The following KIAA1549L variants were observed in gnomAD, a reference collection of about 807,000 sequenced individuals.
KIAA1549L encodes the protein KIAA1549 like.
A neutral mutation model predicts 160.7 loss-of-function variants in KIAA1549L; 88 were observed. That is an observed-to-expected ratio of 0.55 (90% CI 0.46 to 0.65). The LOEUF is 0.65. Ranked by LOEUF, KIAA1549L falls within the 30% of genes least tolerant of loss-of-function variation. The pLI is 0.00. For missense variants in KIAA1549L, 2,258 were observed against 2,437.5 expected, an observed-to-expected ratio of 0.93 and a Z score of 1.55; for synonymous variants, 950 against 976.7, an observed-to-expected ratio of 0.97 and a Z score of 0.51.
rs1257073036 is a variant in KIAA1549L, at chr11:33,474,184, A to G, written c.239-67618A>G. ...TGCCATGACCAAAACACCTCCCACC[A>G]GGCCCCACCTCCAACATCGAAAATT... On this transcript the variant is annotated intron_variant, in intron 1 of 20. Transcript: ENST00000658780. Among the ~76,000 whole-genome samples the G allele has an allele frequency of 4.6e-5, 7 of 152,316 alleles. No individual in the cohort carries two copies. The East Asian group carries it at 7.7e-4, about 17-fold the overall frequency.
rs889094393 is a variant in KIAA1549L, at chr11:33,668,441, T to C, written c.*287T>C. ...GGGCATGTGCCCTATGGAAGCTTAG[T>C]CACAAGAGGCACTAGCTAATCTACA... On this transcript the variant is annotated 3_prime_UTR_variant, in exon 21 of 21. Transcript: ENST00000658780. 2 of 463,322 alleles carry C rather than the reference T, an allele frequency of 4.3e-6. No individual in the cohort carries two copies. The highest frequency in any genetic ancestry group is 7.8e-6 in the Non-Finnish European group (2 of 256,536). The allele number at this position is 463,322 out of a possible 1,614,324, so 28.7% of individuals were successfully genotyped here.
chr11:33,643,319 T>C (rs922264480), intron 16 of KIAA1549L, among the ~76,000 whole-genome samples: 11 of 152,082 alleles, frequency 7.2e-5, no homozygotes, highest in Non-Finnish European at 1.2e-4. Flanking sequence ...CCAACCTTAC[T>C]CGGAGAACTC....
intron 14 of KIAA1549L, 89 bp downstream of exon 14, chr11:33,606,911 A>G: frequency 3.5e-6 from 4 of 1,148,602 alleles, no homozygotes. Context: ...TACTGGGTGC[A>G]GATTGCACCT....
chr11:33,522,135 T>C (rs990149909), intron 1 of KIAA1549L, among the ~76,000 whole-genome samples: 10 of 152,212 alleles, frequency 6.6e-5, no homozygotes, highest in African/African-American at 2.2e-4. Flanking sequence ...ATAAACATAT[T>C]GTTATCTTTT....
chr11:33,528,597 T>A (rs1853667393), intron 1 of KIAA1549L, among the ~76,000 whole-genome samples: 1 of 151,820 alleles, frequency 6.6e-6, no homozygotes, highest in Non-Finnish European at 1.5e-5. Flanking sequence ...AACCAATGAG[T>A]GGATAAAGAA....
intron 1 of KIAA1549L, among the ~76,000 whole-genome samples, chr11:33,513,531 C>T (rs1853272990): frequency 6.6e-6 from 1 of 152,194 alleles, no homozygotes; most frequent in Admixed American, 6.5e-5. Context: ...CTTCTCTCCC[C>T]TCCTTTTATT....
At chr11:33,415,453 G>T (rs946706484) in intron 1 of KIAA1549L, among the ~76,000 whole-genome samples, 1 of 152,168 alleles carries the variant, frequency 6.6e-6, no homozygotes, top group African/African-American at 2.4e-5. Flanking sequence ...TGGGGATCCT[G>T]CCTCTACTTG....
chr11:33,546,255 A>G (rs1446460747), intron 3 of KIAA1549L, among the ~76,000 whole-genome samples: 2 of 152,246 alleles, frequency 1.3e-5, no homozygotes, highest in Non-Finnish European at 2.9e-5. Context: ...ATGGGAAATT[A>G]TGAAATTAGG....
At chr11:33,505,831 T>C in intron 1 of KIAA1549L, among the ~76,000 whole-genome samples, 1 of 152,240 alleles carries the variant, frequency 6.6e-6, no homozygotes, top group Non-Finnish European at 1.5e-5. Context: ...ATTCCAGGAC[T>C]TCAAAATATT....
At chr11:33,531,422 C>T (rs1465820008) in intron 1 of KIAA1549L, among the ~76,000 whole-genome samples, 2 of 151,864 alleles carry the variant, frequency 1.3e-5, no homozygotes, top group South Asian at 2.1e-4. Flanking sequence ...TTGCAGGAGC[C>T]GAGATTGCGC....
intron 9 of KIAA1549L, among the ~76,000 whole-genome samples, chr11:33,571,267 G>A (rs1418691483): frequency 2.0e-5 from 3 of 152,322 alleles, no homozygotes; most frequent in East Asian, 3.9e-4. Context: ...TGGTGACAGA[G>A]CGAGACTCTG....
chr11:33,592,362 G>A (rs1262128569), intron 12 of KIAA1549L, among the ~76,000 whole-genome samples: 1 of 152,088 alleles, frequency 6.6e-6, no homozygotes, highest in African/African-American at 2.4e-5. Context: ...GATGGGAGAG[G>A]TTAGTTTAGA....
In KIAA1549L at chr11:33,551,118, G is replaced by A. The variant is rs772869562; in HGVS notation, c.3580G>A (p.Val1194Met). Residue 1194 changes from valine (V) to methionine (M), a missense_variant, in exon 5 of 21, where the codon GTG becomes ATG. Coordinates refer to ENST00000658780, the MANE Select transcript of KIAA1549L (RefSeq NM_012194.3). Reference protein sequence around the residue: ...TKGKLVYLPAVVIEMLGVYGV... With the variant: ...TKGKLVYLPAMVIEMLGVYGV... Reference sequence around the variant, plus strand: ...AGGGAAGTTGGTGTATTTGCCTGCTGTGGTGATCGAAATGCTGGGTGTGTA... The same window carrying A: ...AGGGAAGTTGGTGTATTTGCCTGCTATGGTGATCGAAATGCTGGGTGTGTA... 9.3e-6 allele frequency: 15 copies of A among 1,613,870 alleles called. No homozygotes were observed. Among genetic ancestry groups the A allele is most frequent in the Middle Eastern group, 1.6e-4 (1 of 6,084 alleles).
In KIAA1549L at chr11:33,614,114, T is replaced by TGCCAGG. The variant is rs1168292933; in HGVS notation, c.5279+4149_5279+4150insCCAGGG. 5.3e-5 allele frequency among the ~76,000 whole-genome samples: 8 copies of TGCCAGG among 152,280 alleles called. No homozygotes were observed. The East Asian group carries it at 1.2e-3, about 22-fold the overall frequency. On this transcript the variant is annotated intron_variant, in intron 15 of 20. Transcript: ENST00000658780. ...TCAGTTTGTAACAGATGGAAACTGA[T>TGCCAGG]GGATAAATACCCCTGGCAAGGGAAC...
intron 1 of KIAA1549L, among the ~76,000 whole-genome samples, chr11:33,449,465 G>T (rs1227423383): frequency 1.3e-5 from 2 of 152,144 alleles, no homozygotes; most frequent in Non-Finnish European, 2.9e-5. Context: ...TCTGGAGCAG[G>T]CTGCCAAAGA....
At chr11:33,403,291 A>ATG in intron 1 of KIAA1549L, 1 of 74,606 alleles carries the variant, frequency 1.3e-5, no homozygotes, top group Non-Finnish European at 2.7e-5. Context: ...AGACACACAC[A>ATG]CACACACACG....
chr11:33,602,048 T>C (rs1338430644), intron 13 of KIAA1549L, among the ~76,000 whole-genome samples: 1 of 152,178 alleles, frequency 6.6e-6, no homozygotes, highest in Non-Finnish European at 1.5e-5. Flanking sequence ...TAAAAGTAAG[T>C]TCAAGATTTT....
rs188189187 is a variant in KIAA1549L at position 33,407,233 on chromosome 11, T to A, written c.238+30344T>A. Among the ~76,000 whole-genome samples, 70 of 150,186 alleles carry A rather than the reference T, an allele frequency of 4.7e-4. 1 individual carries two copies. In the South Asian group the frequency reaches 0.013, roughly 28 times the overall value. On this transcript the variant is annotated intron_variant, in intron 1 of 20. Transcript: ENST00000658780. ...CCGAGTAGCTGGGACTACAGGCGCCTGCCACCACGCCCGGCTAATTTTTTG... is the reference window on the plus strand; with the variant it reads ...CCGAGTAGCTGGGACTACAGGCGCCAGCCACCACGCCCGGCTAATTTTTTG...
chr11:33,542,860 A>G lies in KIAA1549L; in HGVS notation c.1297A>G (p.Ser433Gly), dbSNP rs770596529. ...TAESGAIEMT[S>G]RKLASATAND... ...AGAATCAGGGGCCATAGAAATGACC[A>G]GCAGAAAGCTAGCCTCTGCCACTGC... The change falls in exon 2 of 21, where the codon AGC (serine) becomes GGC (glycine). Residue 433 changes from serine to glycine, a missense_variant. By Grantham distance (56) the Ser-to-Gly change is moderately conservative (BLOSUM62 0). Transcript: ENST00000658780. 14 of 1,613,856 alleles carry G rather than the reference A, an allele frequency of 8.7e-6. No homozygotes were observed. In the East Asian group the frequency reaches 1.3e-4, roughly 15 times the overall value.
Sources: allele counts gnomAD v4.1 joint callset (sites outside exome capture counted in the v4.1 genomes callset), GRCh38; gene constraint gnomAD v4.1.1; transcripts MANE v1.5; gene names NCBI Gene and HGNC (gene_info 2026-07-23, HGNC 2026-07-21).